The following POLR2B variants were observed in gnomAD, a reference collection of about 807,000 sequenced individuals.
POLR2B encodes the protein RNA polymerase II subunit B.
Under a neutral mutation model 144.6 loss-of-function variants are expected in POLR2B, and 57 were observed. The observed-to-expected ratio is 0.39, with a 90% CI of 0.32 to 0.49. The LOEUF (loss-of-function observed/expected upper bound fraction) is 0.49. Among genes scored for constraint, POLR2B ranks in the 20% least tolerant of loss-of-function variants. POLR2B has a pLI of 0.83. For missense variants in POLR2B, 595 were observed against 1,467.4 expected (o/e 0.41, Z 9.71); for synonymous variants, 442 against 469.8 (o/e 0.94, Z 0.77).
At chr4:56,979,055 G>A (rs1323045295) in intron 1 of POLR2B, 51 bp downstream of exon 1, 5 of 1,592,214 alleles carry the variant, frequency 3.1e-6, no homozygotes, top group Non-Finnish European at 4.3e-6. Flanking sequence ...AAGCAGGAAA[G>A]CGTTGGGAAC....
At chr4:56,982,654 A>G (rs1347696143) in intron 1 of POLR2B, among the ~76,000 whole-genome samples, 2 of 152,202 alleles carry the variant, frequency 1.3e-5, no homozygotes, top group Non-Finnish European at 2.9e-5. Context: ...TTATTCCATA[A>G]ACATTACAAG....
intron 16 of POLR2B, 152 bp from the exon 17 acceptor site, chr4:57,020,747 T>C: frequency 1.5e-6 from 1 of 680,304 alleles, no homozygotes; most frequent in Non-Finnish European, 2.6e-6. Flanking sequence ...CACAGATTGC[T>C]ATTCCAGGAG....
At chr4:57,027,446 C>T (rs909654174) in intron 23 of POLR2B, among the ~76,000 whole-genome samples, 18 of 152,146 alleles carry the variant, frequency 1.2e-4, no homozygotes, top group African/African-American at 3.9e-4. Flanking sequence ...GCTGGGACTA[C>T]AGGCATGCAC....
chr4:57,017,313 T>C lies in POLR2B; in HGVS notation c.2154+72T>C. ...ATAAAAATTGAAAGTAACTCTGTAGTCTTATCTGGAGGGAAAAAGCCTTTT... is the reference window on the plus strand; with the variant it reads ...ATAAAAATTGAAAGTAACTCTGTAGCCTTATCTGGAGGGAAAAAGCCTTTT... On this transcript the variant is annotated intron_variant, in intron 15 of 24. Transcript: ENST00000314595. This position sits in a 1 kb window ranked among gnomAD's most constrained non-coding sequence, Gnocchi z 4.8. 8.9e-7 allele frequency: 1 copy of C among 1,127,020 alleles called. No individual in the cohort carries two copies. Among genetic ancestry groups the C allele is most frequent in the Non-Finnish European group, 1.3e-6 (1 of 766,026 alleles). 69.8% of individuals were successfully genotyped at this position (1,127,020 alleles called of 1,614,324 possible). A position where few individuals can be genotyped will look rare whatever the true frequency, so the allele number is the denominator to read the frequency against.
At chr4:56,990,644 A>T in intron 2 of POLR2B, 104 bp from the exon 3 acceptor site, 1 of 986,130 alleles carries the variant, frequency 1.0e-6, no homozygotes, top group Non-Finnish European at 1.5e-6. Context: ...TTGGTATTTT[A>T]TGACTGTTTC....
chr4:57,007,053 A>T, intron 10 of POLR2B, 51 bp downstream of exon 10: 3 of 1,210,148 alleles, frequency 2.5e-6, no homozygotes, highest in Non-Finnish European at 3.6e-6. Flanking sequence ...TGTTTATAGG[A>T]CTAGTAGATT....
chr4:56,994,504 T>C lies in POLR2B; in HGVS notation c.344T>C (p.Leu115Ser). ...CCAATGATGCCCAATGAAGCTAGAT[T>C]AAGGAATCTCACGTAAGAAAGAATT... ...PSPMMPNEAR[L>S]RNLTYSAPLY... The change falls in exon 4 of 25, where the codon TTA becomes TCA. Residue 115 changes from leucine to serine, a missense_variant. Leu to Ser is a moderately radical substitution (Grantham distance 145, BLOSUM62 -2). This residue lies in a region of POLR2B where 251 missense variants were observed against 567.3 expected (regional missense o/e 0.44). Coordinates refer to ENST00000314595, the MANE Select transcript of POLR2B (RefSeq NM_000938.3). 6.3e-7 allele frequency: 1 copy of C among 1,581,040 alleles called. No homozygotes were observed. Among genetic ancestry groups the C allele is most frequent in the East Asian group, 2.2e-5 (1 of 44,706 alleles).
intron 1 of POLR2B, among the ~76,000 whole-genome samples, chr4:56,981,020 C>A (rs779509411): frequency 9.2e-5 from 14 of 152,076 alleles, no homozygotes; most frequent in Non-Finnish European, 1.8e-4. Flanking sequence ...CCAGGCTGAT[C>A]TCAAACTCCT....
chr4:57,027,866 G>A (rs778928944), intron 23 of POLR2B, among the ~76,000 whole-genome samples: 7 of 152,092 alleles, frequency 4.6e-5, no homozygotes, highest in Non-Finnish European at 1.0e-4. Flanking sequence ...TAAAAAAATT[G>A]CATTTGTTAA....
chr4:57,030,130 C>T (rs1429536377), intron 23 of POLR2B, 74 bp from the exon 24 acceptor site: 10 of 1,165,374 alleles, frequency 8.6e-6, no homozygotes, highest in Admixed American at 4.1e-5. Flanking sequence ...TATTATTCTC[C>T]ACCTTTGCCA....
Position 57,005,718 on chromosome 4 carries a change from G to A in POLR2B, c.1216G>A (p.Gly406Ser). 1 of 1,609,632 alleles carries A rather than the reference G, an allele frequency of 6.2e-7. No homozygotes were observed. The highest frequency in any genetic ancestry group is 2.2e-5 in the East Asian group (1 of 44,804). The change falls in exon 9 of 25, where the codon GGT becomes AGT. Residue 406 changes from glycine to serine, a missense_variant and splice_region_variant. Coordinates refer to ENST00000314595, the MANE Select transcript of POLR2B (RefSeq NM_000938.3). ...AGPLLAFLFR[G>S]MFKNLLKEVR... is the part of the protein sequence containing the mutation. Reference sequence around the variant, plus strand: ...GCCGCTGCTTGCATTCTTATTTAGAGGGTAAGGAATTACAGAATGAAGTCA... The same window carrying A: ...GCCGCTGCTTGCATTCTTATTTAGAAGGTAAGGAATTACAGAATGAAGTCA...
At chr4:56,980,244 A>G (rs1031401651) in intron 1 of POLR2B, among the ~76,000 whole-genome samples, 23 of 152,164 alleles carry the variant, frequency 1.5e-4, no homozygotes, top group African/African-American at 5.1e-4. Flanking sequence ...AAACTTTTAA[A>G]GCTGTTTAAA....
intron 7 of POLR2B, among the ~76,000 whole-genome samples, 192 bp from the exon 8 acceptor site, chr4:57,005,043 TGCTGATGAGTG>T (rs1375963272): frequency 6.6e-6 from 1 of 152,182 alleles, no homozygotes; most frequent in African/African-American, 2.4e-5. Flanking sequence ...TAATTGCCTG[TGCTGATGAGTG>T]GTTTTTGTCA....
intron 9 of POLR2B, 148 bp downstream of exon 9, chr4:57,005,867 T>C: frequency 1.4e-6 from 1 of 692,434 alleles, no homozygotes; most frequent in Non-Finnish European, 2.3e-6. Flanking sequence ...TGCTCAGATT[T>C]AGTTTTGGTT....
At chr4:56,993,760 C>A (rs1230415941) in intron 3 of POLR2B, among the ~76,000 whole-genome samples, 3 of 151,840 alleles carry the variant, frequency 2.0e-5, no homozygotes, top group African/African-American at 7.3e-5. Flanking sequence ...ATAAAAAAAT[C>A]TTTTTCTTTT....
At chr4:56,992,481 A>AG (rs1433737701) in intron 3 of POLR2B, among the ~76,000 whole-genome samples, 1 of 146,520 alleles carries the variant, frequency 6.8e-6, no homozygotes, top group East Asian at 2.1e-4. Context: ...AAAAAAAAAA[A>AG]AAAAAAAAAA....
intron 2 of POLR2B, chr4:56,986,804 A>AG: frequency 6.3e-6 from 1 of 158,584 alleles, no homozygotes; most frequent in Non-Finnish European, 1.4e-5. Context: ...CAAAAAAAAA[A>AG]AAGAATAACT....
intron 2 of POLR2B, among the ~76,000 whole-genome samples, chr4:56,990,355 A>G (rs2109653629): frequency 6.6e-6 from 1 of 152,172 alleles, no homozygotes; most frequent in East Asian, 1.9e-4. Flanking sequence ...CCTCTTGAAT[A>G]TGTGGGACTA....
intron 2 of POLR2B, 133 bp from the exon 3 acceptor site, chr4:56,990,615 A>C (rs1722484235): frequency 2.8e-6 from 2 of 706,568 alleles, no homozygotes; most frequent in Admixed American, 5.2e-5. Context: ...TGTCTTGTTT[A>C]GTGGTTGACA....
Sources: gnomAD v4.1 joint callset for allele counts (sites outside exome capture counted in the v4.1 genomes callset) on GRCh38, gnomAD v4.1.1 for gene constraint, gnomAD v4.1.1 regional missense constraint, Gnocchi (gnomAD v3.1) non-coding constraint, MANE v1.5 for transcripts, NCBI Gene and HGNC (gene_info 2026-07-23, HGNC 2026-07-21) for gene names.